DYNC2H1: variants seen among roughly 807,000 people sequenced by gnomAD.
DYNC2H1 encodes dynein cytoplasmic 2 heavy chain 1.
Under a neutral mutation model 570.0 loss-of-function variants are expected in DYNC2H1, and 410 were observed. That is an observed-to-expected ratio of 0.72 (90% confidence interval 0.66 to 0.78). The LOEUF (loss-of-function observed/expected upper bound fraction) is 0.78, where lower values mean the gene tolerates loss of function less well. Among genes scored for constraint, DYNC2H1 ranks in the 30% least tolerant of loss-of-function variants. The pLI, the probability that DYNC2H1 is intolerant of heterozygous loss-of-function variation, is 0.00. For missense variants in DYNC2H1, 4,865 were observed against 5,046.4 expected, an observed-to-expected ratio of 0.96 and a Z score of 1.09; for synonymous variants, 1,688 against 1,677.6, an observed-to-expected ratio of 1.01 and a Z score of -0.15.
At chr11:103,178,737 C>T (rs929468887) in intron 38 of DYNC2H1, among the ~76,000 whole-genome samples, 2 of 152,010 alleles carry the variant, frequency 1.3e-5, no homozygotes, top group African/African-American at 4.8e-5. Context: ...CGTACATTCT[C>T]ATAACATAGT....
At chr11:103,447,366 AGTT>A (rs1201455362) in intron 85 of DYNC2H1, among the ~76,000 whole-genome samples, 8 of 132,988 alleles carry the variant, frequency 6.0e-5, no homozygotes, top group African/African-American at 2.5e-4. Context: ...AACTTAATAA[AGTT>A]AAACAAGGTA....
Position 103,249,322 on chromosome 11 carries a change from A to T in DYNC2H1, c.10042+3948A>T, listed in dbSNP as rs1249489459. On this transcript the variant is annotated intron_variant, in intron 65 of 88. Transcript: ENST00000375735. This position sits in a 1 kb window ranked among gnomAD's most constrained non-coding sequence, Gnocchi z 4.6. ...ATTCTGTTCCTCCCCTCCCATGACT[A>T]GTTCTACTCACCAAAGAAAAACTTT... Among the ~76,000 whole-genome samples the T allele has an allele frequency of 6.6e-6, 1 of 152,078 alleles. No individual in the cohort carries two copies. Among genetic ancestry groups the T allele is most frequent in the Non-Finnish European group, 1.5e-5 (1 of 67,960 alleles).
chr11:103,292,722 A>G (rs1411356886), intron 75 of DYNC2H1, among the ~76,000 whole-genome samples: 1 of 151,836 alleles, frequency 6.6e-6, no homozygotes, highest in Non-Finnish European at 1.5e-5. Flanking sequence ...CACCCTCCCT[A>G]CTCTCTCTTG....
At chr11:103,308,755 C>T (rs1867422340) in intron 78 of DYNC2H1, among the ~76,000 whole-genome samples, 1 of 152,078 alleles carries the variant, frequency 6.6e-6, no homozygotes, top group Non-Finnish European at 1.5e-5. Flanking sequence ...TAACGTTGAG[C>T]ATCTTTCATA....
chr11:103,303,129 A>T lies in DYNC2H1; in HGVS notation c.11132A>T (p.Lys3711Ile), dbSNP rs767475695. ...KEVSPLPLNL[K>I]RLYKETLEIE... ...GTGTCCCCACTGCCTCTAAATCTCA[A>T]ACGTTTATACAAAGAGACACTGGAA... Residue 3711 changes from lysine to isoleucine, a missense_variant, in exon 76 of 89, where the codon AAA becomes ATA. Lys to Ile is a moderately radical substitution (Grantham distance 102). This residue lies in a region of DYNC2H1 where 2,401 missense variants were observed against 2,454.6 expected (regional missense o/e 0.98). Transcript: ENST00000375735. 4.4e-6 allele frequency: 7 copies of T among 1,602,694 alleles called. No individual in the cohort carries two copies. Among genetic ancestry groups the T allele is most frequent in the African/African-American group, 1.3e-5 (1 of 74,862 alleles).
chr11:103,376,996 T>C (rs974208720), intron 83 of DYNC2H1, among the ~76,000 whole-genome samples: 5 of 152,220 alleles, frequency 3.3e-5, no homozygotes, highest in Non-Finnish European at 5.9e-5. Flanking sequence ...TCTGACTGTC[T>C]AGTGGGGATT....
chr11:103,300,037 T>G (rs890168145), intron 75 of DYNC2H1, among the ~76,000 whole-genome samples: 21 of 152,124 alleles, frequency 1.4e-4, no homozygotes, highest in African/African-American at 5.1e-4. Context: ...GAAAGGTAAT[T>G]TTATACATCT....
At chr11:103,115,505 A>G (rs181701836) in intron 4 of DYNC2H1, among the ~76,000 whole-genome samples, 2 of 152,338 alleles carry the variant, frequency 1.3e-5, no homozygotes, top group East Asian at 1.9e-4. Context: ...TTTTCTCAAA[A>G]ACAAAATTAC....
chr11:103,390,677 T>C (rs1565554541), intron 83 of DYNC2H1, among the ~76,000 whole-genome samples: 2 of 152,348 alleles, frequency 1.3e-5, no homozygotes, highest in African/African-American at 2.4e-5. Context: ...TCAGGAGCTC[T>C]TGTAGGGCAG....
intron 83 of DYNC2H1, among the ~76,000 whole-genome samples, chr11:103,359,668 CTT>C (rs202022243): frequency 3.1e-5 from 4 of 129,904 alleles, no homozygotes; most frequent in Admixed American, 1.6e-4. Flanking sequence ...TTTTTTTTTA[CTT>C]TTTTTTTTTT....
chr11:103,344,663 T>A (rs746334769), intron 82 of DYNC2H1, among the ~76,000 whole-genome samples: 3 of 152,250 alleles, frequency 2.0e-5, no homozygotes, highest in Non-Finnish European at 2.9e-5. Flanking sequence ...CCCCCAACAC[T>A]TAGTTCCACT....
Position 103,461,716 on chromosome 11 carries a change from G to C in DYNC2H1, c.12648+5360G>C, listed in dbSNP as rs1254222251. ...TCCCTAGAAAATGTAAACATCCTTTGGTCTTCAAGGTTTTTTTTTTTTAAT... is the reference window on the plus strand; with the variant it reads ...TCCCTAGAAAATGTAAACATCCTTTCGTCTTCAAGGTTTTTTTTTTTTAAT... On this transcript the variant is annotated intron_variant, in intron 87 of 88. Transcript: ENST00000375735. This position sits in a 1 kb window ranked among gnomAD's most constrained non-coding sequence, Gnocchi z 4.8. 9.6e-6 allele frequency among the ~76,000 whole-genome samples: 1 copy of C among 104,188 alleles called. No homozygotes were observed. Among genetic ancestry groups the C allele is most frequent in the Non-Finnish European group, 1.8e-5 (1 of 55,900 alleles). The allele number at this position is 104,188 out of a possible 152,430, so 68.4% of individuals were successfully genotyped here.
chr11:103,346,860 T>C (rs1939769226), intron 82 of DYNC2H1, among the ~76,000 whole-genome samples: 1 of 152,166 alleles, frequency 6.6e-6, no homozygotes, highest in African/African-American at 2.4e-5. Flanking sequence ...CAAACTCTAA[T>C]AAAATAATTG....
intron 85 of DYNC2H1, among the ~76,000 whole-genome samples, chr11:103,448,220 C>A (rs1046085683): frequency 6.6e-6 from 1 of 152,120 alleles, no homozygotes; most frequent in African/African-American, 2.4e-5. Flanking sequence ...GAGCTTACTA[C>A]ATTATCTACA....
At chr11:103,361,200 TG>T (rs1218812537) in intron 83 of DYNC2H1, among the ~76,000 whole-genome samples, 2 of 152,194 alleles carry the variant, frequency 1.3e-5, no homozygotes, top group South Asian at 2.1e-4. Context: ...TATTTGTAGA[TG>T]GGGTCTTTGG....
intron 32 of DYNC2H1, among the ~76,000 whole-genome samples, chr11:103,169,779 A>G (rs1438982586): frequency 6.6e-6 from 1 of 152,216 alleles, no homozygotes; most frequent in Admixed American, 6.5e-5. Context: ...ATTTTAAAAT[A>G]TGAAATGGGA....
In DYNC2H1 at chr11:103,173,381, A is replaced by G. The variant is rs980718774; in HGVS notation, c.5558+76A>G. Reference sequence around the variant, plus strand: ...ATTTTGGTTATTAGTGATCATTTTCATATTTTCTCAATTCACCTATTGCAT... The same window carrying G: ...ATTTTGGTTATTAGTGATCATTTTCGTATTTTCTCAATTCACCTATTGCAT... On this transcript the variant is annotated intron_variant, in intron 35 of 88. Coordinates refer to ENST00000375735, the MANE Select transcript of DYNC2H1 (RefSeq NM_001377.3). 1.5e-5 allele frequency: 16 copies of G among 1,055,578 alleles called. No homozygotes were observed. In the East Asian group the frequency reaches 2.9e-4, roughly 19 times the overall value. The allele number at this position is 1,055,578 out of a possible 1,614,324, so 65.4% of individuals were successfully genotyped here.
chr11:103,373,366 A>T (rs139175613), intron 83 of DYNC2H1, among the ~76,000 whole-genome samples: 1 of 152,282 alleles, frequency 6.6e-6, no homozygotes, highest in African/African-American at 2.4e-5. Context: ...TTTCTGTGAT[A>T]TCAGTAGTAA....
At chr11:103,222,934 G>C in intron 58 of DYNC2H1, 31 bp from the exon 59 acceptor site, 1 of 1,610,532 alleles carries the variant, frequency 6.2e-7, no homozygotes, top group South Asian at 1.1e-5. Context: ...ATTAAGTAAG[G>C]ATGTTGAATC....
Sources: gnomAD v4.1 joint callset for allele counts (sites outside exome capture counted in the v4.1 genomes callset) on GRCh38, gnomAD v4.1.1 for gene constraint, gnomAD v4.1.1 regional missense constraint, Gnocchi (gnomAD v3.1) non-coding constraint, MANE v1.5 for transcripts, NCBI Gene and HGNC (gene_info 2026-07-23, HGNC 2026-07-21) for gene names.